Variants in ZNF274 observed in about 807,000 individuals in gnomAD.
ZNF274 encodes zinc finger protein 274.
ZNF274 carries 23 observed loss-of-function variants against 42.5 expected under a neutral mutation model. That is an observed-to-expected ratio of 0.54 (90% confidence interval 0.39 to 0.77). The LOEUF (loss-of-function observed/expected upper bound fraction) is 0.77, where lower values mean the gene tolerates loss of function less well. Ranked by LOEUF, ZNF274 falls within the 30% of genes least tolerant of loss-of-function variation. The pLI is 0.00. For synonymous variants in ZNF274, 292 were observed against 305.4 expected (o/e 0.96, Z 0.46); for missense variants, 679 against 806.5 (o/e 0.84, Z 1.91).
intron 4 of ZNF274, among the ~76,000 whole-genome samples, chr19:58,187,260 T>G (rs2075710958): frequency 6.6e-6 from 1 of 152,224 alleles, no homozygotes; most frequent in African/African-American, 2.4e-5. Context: ...ATACTTGTGT[T>G]GACAGTAGGG....
intron 4 of ZNF274, among the ~76,000 whole-genome samples, chr19:58,204,129 G>A (rs1199002211): frequency 6.6e-6 from 1 of 152,214 alleles, no homozygotes; most frequent in Non-Finnish European, 1.5e-5. Context: ...TGTGGCCTCA[G>A]CGGAACGTCT....
intron 2 of ZNF274, 168 bp downstream of exon 2, chr19:58,184,166 G>A: frequency 1.4e-6 from 1 of 720,912 alleles, no homozygotes; most frequent in Non-Finnish European, 2.3e-6. Flanking sequence ...GGAACCGCAG[G>A]TTGCTTGGTT....
rs1429097755 is a variant in ZNF274 at position 58,212,658 on chromosome 19, A to G, written c.1477A>G (p.Lys493Glu). The change falls in exon 8 of 8, where the codon AAA (lysine) becomes GAA (glutamate). Residue 493 changes from lysine (K) to glutamate (E), a missense_variant. Transcript: ENST00000617501. This position sits in a 1 kb window ranked among gnomAD's most constrained non-coding sequence, Gnocchi z 4.6. ...TAGGAAAACCTTCAGTCGGAGTACT[A>G]AACAGATTACGTTTATAAGAATTCA... ...GCRKTFSRST[K>E]QITFIRIHKG... 4 of 1,613,942 alleles carry G rather than the reference A, an allele frequency of 2.5e-6. No homozygotes were observed. Among genetic ancestry groups the G allele is most frequent in the Non-Finnish European group, 2.5e-6 (3 of 1,179,916 alleles).
At position 58,211,619 on chromosome 19, in the gene ZNF274, G is replaced by A. The variant is rs1253093574; in HGVS notation, c.912G>A (p.Leu304=). Residue 304 remains leucine (L), a synonymous_variant, in exon 7 of 8, where the codon CTG becomes CTA. Transcript: ENST00000617501. The surrounding 1 kb of genome is among the most constrained non-coding windows in gnomAD (Gnocchi z 4.8). ...VDFSREEWGL[L]GPTQRTEYRD... is the part of the protein sequence containing the mutation. ...TCAGCCGGGAGGAGTGGGGGCTGCT[G>A]GGCCCGACACAGAGGACCGAGTACC... The A allele has an allele frequency of 1.9e-6, 3 of 1,613,778 alleles. No homozygotes were observed. The highest frequency in any genetic ancestry group is 2.7e-5 in the African/African-American group (2 of 74,892).
chr19:58,206,994 G>C lies in ZNF274; in HGVS notation c.531G>C (p.Glu177Asp). ...ATAAGGACATGACAGGTCCCCGGGAGGCCCTGGACCAGCTCCGAGAGCTGT... is the reference window on the plus strand; with the variant it reads ...ATAAGGACATGACAGGTCCCCGGGACGCCCTGGACCAGCTCCGAGAGCTGT... ...FRYKDMTGPR[E>D]ALDQLRELCH... The change falls in exon 5 of 8, where the codon GAG becomes GAC. Residue 177 changes from glutamate to aspartate, a missense_variant. Glu to Asp is a conservative substitution (Grantham distance 45). Coordinates refer to ENST00000617501, the MANE Select transcript of ZNF274 (RefSeq NM_133502.3). 6.2e-7 allele frequency: 1 copy of C among 1,610,532 alleles called. No individual in the cohort carries two copies. The highest frequency in any genetic ancestry group is 1.1e-5 in the South Asian group (1 of 90,538).
At chr19:58,188,658 A>AGG (rs2075734201) in intron 4 of ZNF274, among the ~76,000 whole-genome samples, 2 of 102,936 alleles carry the variant, frequency 1.9e-5, no homozygotes, top group South Asian at 6.2e-4. Context: ...TAAAAAATAG[A>AGG]TGTGTGTGTG....
intron 4 of ZNF274, among the ~76,000 whole-genome samples, chr19:58,196,956 GTGAGGAAAGACTTC>G (rs1433347002): frequency 1.3e-5 from 2 of 152,174 alleles, no homozygotes; most frequent in African/African-American, 4.8e-5. Context: ...ATATGATCAC[GTGAGGAAAGACTTC>G]TGGCCTAACT....
At chr19:58,205,969 G>A (rs547003016) in intron 4 of ZNF274, among the ~76,000 whole-genome samples, 4 of 152,300 alleles carry the variant, frequency 2.6e-5, no homozygotes, top group African/African-American at 9.6e-5. Context: ...CTTGTAAAGT[G>A]TACAGTTCAG....
At position 58,207,099 on chromosome 19, in the gene ZNF274, A is replaced by G. The variant is rs377486346; in HGVS notation, c.636A>G (p.Ala212=). Residue 212 remains alanine (A), a synonymous_variant, in exon 5 of 8, where the codon GCA becomes GCG. Coordinates refer to ENST00000617501, the MANE Select transcript of ZNF274 (RefSeq NM_133502.3). The surrounding 1 kb of genome is among the most constrained non-coding windows in gnomAD (Gnocchi z 5.6). ...ELLVLEQFLG[A]LPVKLRTWVE... is the part of the protein sequence containing the mutation. ...TGGTGCTGGAGCAGTTCCTAGGTGC[A>G]CTGCCTGTGAAGCTCCGGACATGGG... The G allele has an allele frequency of 6.2e-7, 1 of 1,613,914 alleles. No homozygotes were observed. Among genetic ancestry groups the G allele is most frequent in the Non-Finnish European group, 8.5e-7 (1 of 1,179,942 alleles).
chr19:58,188,233 A>G (rs539664579), intron 4 of ZNF274, among the ~76,000 whole-genome samples: 113 of 152,182 alleles, frequency 7.4e-4, no homozygotes, highest in African/African-American at 2.5e-3. Flanking sequence ...TGCCATCTCA[A>G]ATCCTTTAAG....
chr19:58,204,180 G>A (rs2075952139), intron 4 of ZNF274, among the ~76,000 whole-genome samples: 1 of 152,174 alleles, frequency 6.6e-6, no homozygotes, highest in Non-Finnish European at 1.5e-5. Context: ...TTCAGGTGGG[G>A]CAGGCGTGGA....
chr19:58,189,717 G>A (rs2075756118), intron 4 of ZNF274, among the ~76,000 whole-genome samples: 1 of 152,190 alleles, frequency 6.6e-6, no homozygotes, highest in Admixed American at 6.5e-5. Context: ...TTGTTGGGAT[G>A]TGTATTACAT....
At chr19:58,200,480 C>T (rs2075896827) in intron 4 of ZNF274, among the ~76,000 whole-genome samples, 1 of 152,050 alleles carries the variant, frequency 6.6e-6, no homozygotes, top group South Asian at 2.1e-4. Context: ...GGGGGACAAG[C>T]GAGGTACGGG....
chr19:58,199,583 G>A (rs984049628), intron 4 of ZNF274, among the ~76,000 whole-genome samples: 6 of 152,172 alleles, frequency 3.9e-5, no homozygotes, highest in African/African-American at 1.2e-4. Context: ...TTAGCCGGGC[G>A]TGGTGGCGTG....
chr19:58,183,921 G>A lies in ZNF274; in HGVS notation c.-45G>A. The A allele has an allele frequency of 6.4e-7, 1 of 1,574,384 alleles. No homozygotes were observed. Among genetic ancestry groups the A allele is most frequent in the Non-Finnish European group, 8.6e-7 (1 of 1,159,578 alleles). On this transcript the variant is annotated splice_region_variant and 5_prime_UTR_variant, in exon 2 of 8. Transcript: ENST00000617501. ...CCCCTCCCAACTTCGGTTTCCTCAG[G>A]ACTCTGCCCACTTCCACCAGAGACA... is the stretch of plus-strand genomic sequence containing the variant.
intron 4 of ZNF274, among the ~76,000 whole-genome samples, chr19:58,205,462 C>T (rs1218147267): frequency 6.6e-6 from 1 of 152,108 alleles, no homozygotes; most frequent in African/African-American, 2.4e-5. Context: ...CTCCTGCCTC[C>T]AAGTAGCTAG....
chr19:58,209,924 C>T, intron 5 of ZNF274, 37 bp from the exon 6 acceptor site: 3 of 1,542,232 alleles, frequency 1.9e-6, no homozygotes, highest in Non-Finnish European at 2.7e-6. Context: ...AGGGTCCCCA[C>T]ACCTGCTGAC....
At position 58,211,339 on chromosome 19, in the gene ZNF274, A is replaced by G. The variant is rs2076037710; in HGVS notation, c.853-221A>G. The G allele has an allele frequency of 4.4e-6, 2 of 452,894 alleles. No individual in the cohort carries two copies. The highest frequency in any genetic ancestry group is 4.0e-5 in the African/African-American group (2 of 50,042). The allele number at this position is 452,894 out of a possible 1,614,324, so 28.1% of individuals were successfully genotyped here. A position where few individuals can be genotyped will look rare whatever the true frequency, so the allele number is the denominator to read the frequency against. Reference sequence around the variant, plus strand: ...TTGCTTGTTGCACTTGGAGCTCTTTATGAAGCAAGGGCTCTGCCTCCCAGC... The same window carrying G: ...TTGCTTGTTGCACTTGGAGCTCTTTGTGAAGCAAGGGCTCTGCCTCCCAGC... On this transcript the variant is annotated intron_variant, in intron 6 of 7. Coordinates refer to ENST00000617501, the MANE Select transcript of ZNF274 (RefSeq NM_133502.3). The surrounding 1 kb of genome is among the most constrained non-coding windows in gnomAD (Gnocchi z 4.8).
intron 4 of ZNF274, among the ~76,000 whole-genome samples, chr19:58,192,553 A>C (rs980599145): frequency 6.6e-6 from 1 of 152,204 alleles, no homozygotes; most frequent in Non-Finnish European, 1.5e-5. Flanking sequence ...ACAGATGCTC[A>C]AGTGCCCAAT....
Sources: gnomAD v4.1 joint callset for allele counts (sites outside exome capture counted in the v4.1 genomes callset) on GRCh38, gnomAD v4.1.1 for gene constraint, Gnocchi (gnomAD v3.1) non-coding constraint, MANE v1.5 for transcripts, NCBI Gene and HGNC (gene_info 2026-07-23, HGNC 2026-07-21) for gene names.